CSMD1: variants seen among roughly 807,000 people sequenced by gnomAD.
The protein encoded by CSMD1 is CUB and sushi domain-containing protein 1.
A neutral mutation model predicts 417.5 loss-of-function variants in CSMD1; 213 were observed. The ratio of observed to expected loss-of-function variants is 0.51; its 90% CI spans 0.46 to 0.57. The LOEUF (loss-of-function observed/expected upper bound fraction) is 0.57. Among genes scored for constraint, CSMD1 ranks in the 20% least tolerant of loss-of-function variants. The pLI, the probability that CSMD1 is intolerant of heterozygous loss-of-function variation, is 0.00. For missense variants in CSMD1, 6,923 were observed against 4,529.7 expected (o/e 1.53, Z -15.17); for synonymous variants, 2,862 against 1,736.8 (o/e 1.65, Z -16.11).
chr8:3,722,359 C>G (rs1010076287), intron 6 of CSMD1, among the ~76,000 whole-genome samples: 1 of 152,050 alleles, frequency 6.6e-6, no homozygotes, highest in Non-Finnish European at 1.5e-5. Flanking sequence ...AAATCTAAGA[C>G]GAAGTTGAGG....
intron 3 of CSMD1, among the ~76,000 whole-genome samples, chr8:4,379,401 G>C (rs888500903): frequency 2.0e-5 from 3 of 152,202 alleles, no homozygotes; most frequent in South Asian, 4.1e-4. Context: ...AAAAGTGACA[G>C]TGGCAAACCT....
intron 1 of CSMD1, among the ~76,000 whole-genome samples, chr8:4,919,211 C>G (rs1806270923): frequency 6.6e-6 from 1 of 152,112 alleles, no homozygotes; most frequent in South Asian, 2.1e-4. Context: ...AATTAAAACA[C>G]TTTGTAATTT....
At chr8:4,471,013 G>C (rs914588910) in intron 2 of CSMD1, among the ~76,000 whole-genome samples, 1 of 152,046 alleles carries the variant, frequency 6.6e-6, no homozygotes, top group Non-Finnish European at 1.5e-5. Context: ...TATGTACGAG[G>C]ATTCTATGAA....
chr8:3,067,569 G>A lies in CSMD1; in HGVS notation c.7475-14922C>T, dbSNP rs954543780. ...GATCTAAAGTGAGCTCAACTCTAAT[G>A]TCACCATCCTTCTCACCATATTAAT... On this transcript the variant is annotated intron_variant, in intron 49 of 69. Coordinates refer to ENST00000635120, the MANE Select transcript of CSMD1 (RefSeq NM_033225.6). Among the ~76,000 whole-genome samples, 4 of 151,156 alleles carry A rather than the reference G, an allele frequency of 2.6e-5. No homozygotes were observed. In the East Asian group the frequency reaches 5.8e-4, roughly 22 times the overall value.
In CSMD1 at chr8:4,355,381, T is replaced by C. The variant is rs76007263; in HGVS notation, c.415+64572A>G. On this transcript the variant is annotated intron_variant, in intron 3 of 69. Transcript: ENST00000635120. ...ACACACACACAAAACTCTACAAAAA[T>C]GACGCGTTAAGAGTGTTCTTAACAG... 6.6e-5 allele frequency among the ~76,000 whole-genome samples: 10 copies of C among 151,486 alleles called. No individual in the cohort carries two copies. In the South Asian group the frequency reaches 8.3e-4, roughly 13 times the overall value.
In CSMD1 at chr8:4,168,332, G is replaced by C. The variant is rs192284966; in HGVS notation, c.416-136233C>G. 2.0e-3 allele frequency among the ~76,000 whole-genome samples: 305 copies of C among 151,986 alleles called. 3 individuals are homozygous for C. The highest frequency in any genetic ancestry group is 0.017 in the Admixed American group (263 of 15,252). ...GCTCCCTTGAGACCAAAAGGTCAAG[G>C]CTACAGTGATCCTTGATTGCGCCAC... On this transcript the variant is annotated intron_variant, in intron 3 of 69. Coordinates refer to ENST00000635120, the MANE Select transcript of CSMD1 (RefSeq NM_033225.6).
At chr8:4,487,935 C>T (rs1658825) in intron 2 of CSMD1, among the ~76,000 whole-genome samples, 121,042 of 152,118 alleles carry the variant, frequency 0.8, 49,578 homozygotes, top group South Asian at 0.91. Flanking sequence ...AACCCTGTGT[C>T]GTAGACTGAA....
intron 2 of CSMD1, among the ~76,000 whole-genome samples, chr8:4,461,438 T>A (rs1799810075): frequency 1.3e-5 from 2 of 151,380 alleles, no homozygotes; most frequent in Admixed American, 1.3e-4. Flanking sequence ...AATCACATGA[T>A]CTAGTATACA....
chr8:3,985,340 G>A (rs1435454958), intron 5 of CSMD1, among the ~76,000 whole-genome samples: 1 of 152,046 alleles, frequency 6.6e-6, no homozygotes, highest in East Asian at 1.9e-4. Context: ...CGTTTATTAG[G>A]GTTACAGATT....
intron 5 of CSMD1, among the ~76,000 whole-genome samples, chr8:3,839,902 G>C (rs1306493672): frequency 6.6e-6 from 1 of 151,936 alleles, no homozygotes; most frequent in Non-Finnish European, 1.5e-5. Context: ...GAGGTAGTAG[G>C]TACCTAGAAG....
intron 1 of CSMD1, chr8:4,787,498 T>G: frequency 1.1e-6 from 1 of 919,770 alleles, no homozygotes; most frequent in Non-Finnish European, 1.8e-6. Flanking sequence ...AAATCACCAG[T>G]TGTATTTTTC....
intron 49 of CSMD1, among the ~76,000 whole-genome samples, chr8:3,057,990 C>G (rs1265496261): frequency 4.6e-5 from 7 of 152,184 alleles, no homozygotes; most frequent in Non-Finnish European, 1.0e-4. Flanking sequence ...CGCCAAGTAT[C>G]CACGCCGCCC....
At chr8:3,889,107 A>G (rs186476903) in intron 5 of CSMD1, among the ~76,000 whole-genome samples, 41 of 152,186 alleles carry the variant, frequency 2.7e-4, no homozygotes, top group African/African-American at 9.6e-4. Flanking sequence ...GGTTGCTGCA[A>G]GTTAGAAGTT....
chr8:4,636,473 C>G (rs981477842), intron 2 of CSMD1, among the ~76,000 whole-genome samples: 2 of 152,148 alleles, frequency 1.3e-5, no homozygotes, highest in African/African-American at 4.8e-5. Context: ...TTCCCTCACC[C>G]ACCTCCTATG....
rs537759082 is a variant in CSMD1 at position 3,939,275 on chromosome 8, A to C, written c.818+58628T>G. Reference sequence around the variant, plus strand: ...TGAAAAAAAATGCTCAACATCATTAATTATCAGAGAAATGCAAATTAAAAC... The same window carrying C: ...TGAAAAAAAATGCTCAACATCATTACTTATCAGAGAAATGCAAATTAAAAC... On this transcript the variant is annotated intron_variant, in intron 5 of 69. Transcript: ENST00000635120. 1.2e-4 allele frequency among the ~76,000 whole-genome samples: 19 copies of C among 152,264 alleles called. No individual in the cohort carries two copies. In the East Asian group the frequency reaches 3.1e-3, roughly 25 times the overall value.
chr8:3,819,484 CTCTT>C (rs565664139), intron 5 of CSMD1, among the ~76,000 whole-genome samples: 1,554 of 152,116 alleles, frequency 0.01, 35 homozygotes, highest in African/African-American at 0.036. Flanking sequence ...GGTGGCACTG[CTCTT>C]TCTATTCTCC....
chr8:3,083,634 ATATATATATATATATTTTTTTTTTTTT>A (rs1345596861), intron 49 of CSMD1, among the ~76,000 whole-genome samples: 4 of 23,346 alleles, frequency 1.7e-4, no homozygotes, highest in African/African-American at 6.1e-4. Flanking sequence ...ATATATATAT[ATATATATATATATATTTTTTTTTTTTT>A]TTTTTTTTTT....
intron 1 of CSMD1, among the ~76,000 whole-genome samples, chr8:4,742,419 T>C (rs1451723539): frequency 6.6e-6 from 1 of 152,158 alleles, no homozygotes; most frequent in African/African-American, 2.4e-5. Context: ...TGTCCTACTC[T>C]GGTCATTTTT....
At chr8:3,865,499 G>T (rs1805024289) in intron 5 of CSMD1, among the ~76,000 whole-genome samples, 1 of 152,006 alleles carries the variant, frequency 6.6e-6, no homozygotes, top group South Asian at 2.1e-4. Context: ...TCAGAAAAGG[G>T]TGACAATAGT....
Sources: allele counts gnomAD v4.1 joint callset (sites outside exome capture counted in the v4.1 genomes callset), GRCh38; gene constraint gnomAD v4.1.1; transcripts MANE v1.5; gene names NCBI Gene and HGNC (gene_info 2026-07-23, HGNC 2026-07-21).